MSH3: variants seen among roughly 807,000 people sequenced by gnomAD.
MSH3 encodes the protein mutS homolog 3.
MSH3 carries 106 observed loss-of-function variants against 123.3 expected under a neutral mutation model. The ratio of observed to expected loss-of-function variants is 0.86; its 90% CI spans 0.73 to 1.01. The LOEUF is 1.01. Ranked by LOEUF, MSH3 falls within the 50% of genes least tolerant of loss-of-function variation. The pLI, the probability that MSH3 is intolerant of heterozygous loss-of-function variation, is 0.00. For synonymous variants in MSH3, 515 were observed against 481.4 expected (o/e 1.07, Z -0.91); for missense variants, 1,459 against 1,347.6 (o/e 1.08, Z -1.29).
intron 2 of MSH3, among the ~76,000 whole-genome samples, chr5:80,663,604 A>G (rs1749494750): frequency 6.6e-6 from 1 of 151,964 alleles, no homozygotes. Context: ...ACACACTTAT[A>G]GTATATTTTT....
intron 8 of MSH3, among the ~76,000 whole-genome samples, chr5:80,688,130 G>A (rs1240384778): frequency 6.6e-6 from 1 of 152,180 alleles, no homozygotes; most frequent in Non-Finnish European, 1.5e-5. Flanking sequence ...ACTAGCCTTA[G>A]CTCATTGATA....
At chr5:80,765,975 A>AT (rs1744115733) in intron 13 of MSH3, among the ~76,000 whole-genome samples, 1 of 152,162 alleles carries the variant, frequency 6.6e-6, no homozygotes, top group East Asian at 1.9e-4. Context: ...TGACTTCATT[A>AT]TCTTTACTTC....
rs1746170967 is a variant in MSH3, at chr5:80,869,731, T to A, written c.3131-3385T>A. On this transcript the variant is annotated intron_variant, in intron 22 of 23. Transcript: ENST00000265081. ...GTAGCTATATTATACATTATATATA[T>A]AATTATATAAGAACATTGTTACAAC... 4.7e-5 allele frequency among the ~76,000 whole-genome samples: 7 copies of A among 149,122 alleles called. No homozygotes were observed. In the Admixed American group the frequency reaches 4.7e-4, roughly 10 times the overall value.
chr5:80,819,026 A>G, intron 20 of MSH3, among the ~76,000 whole-genome samples: 1 of 152,130 alleles, frequency 6.6e-6, no homozygotes, highest in East Asian at 1.9e-4. Context: ...CTTCCTAGAT[A>G]GTGCTTTGTG....
At position 80,794,287 on chromosome 5, in the gene MSH3, G is replaced by A. The variant is rs181924197; in HGVS notation, c.2655+1443G>A. Among the ~76,000 whole-genome samples the A allele has an allele frequency of 1.7e-3, 259 of 152,308 alleles. 1 individual carries two copies. The highest frequency in any genetic ancestry group is 6.1e-3 in the African/African-American group (253 of 41,566). ...TCCTGGCAGCACTGAGTTTTCTCAGGCAGATACTTTTAGTGGGGCTGGGGT... is the reference window on the plus strand; with the variant it reads ...TCCTGGCAGCACTGAGTTTTCTCAGACAGATACTTTTAGTGGGGCTGGGGT... On this transcript the variant is annotated intron_variant, in intron 19 of 23. Transcript: ENST00000265081.
intron 8 of MSH3, among the ~76,000 whole-genome samples, chr5:80,719,865 C>A (rs1323708237): frequency 1.3e-5 from 2 of 152,176 alleles, no homozygotes; most frequent in Non-Finnish European, 2.9e-5. Context: ...GTTGTTCTTA[C>A]ACCTTAGTGT....
rs146768828 is a variant in MSH3, at chr5:80,728,919, A to G, written c.1522A>G (p.Lys508Glu). Residue 508 changes from lysine to glutamate, a missense_variant, in exon 10 of 24, where the codon AAA (lysine) becomes GAA (glutamate). Transcript: ENST00000265081. Reference protein sequence around the residue: ...PVICSLAAIIKYLKEFNLEKM... With the variant: ...PVICSLAAIIEYLKEFNLEKM... Reference sequence around the variant, plus strand: ...GATTTGCTCTTTGGCTGCCATCATAAAATACCTCAAAGAATTCAACTTGGA... The same window carrying G: ...GATTTGCTCTTTGGCTGCCATCATAGAATACCTCAAAGAATTCAACTTGGA... 2.4e-4 allele frequency: 392 copies of G among 1,612,578 alleles called. 2 individuals are homozygous for G. The African/African-American group carries it at 4.4e-3, about 18-fold the overall frequency.
intron 22 of MSH3, among the ~76,000 whole-genome samples, chr5:80,871,097 C>A (rs1746205315): frequency 1.3e-5 from 2 of 152,034 alleles, no homozygotes; most frequent in Admixed American, 1.3e-4. Context: ...CAGGCTGGGT[C>A]CTCTAGGAGG....
intron 10 of MSH3, among the ~76,000 whole-genome samples, chr5:80,736,571 C>T (rs1743512636): frequency 6.6e-6 from 1 of 152,108 alleles, no homozygotes; most frequent in African/African-American, 2.4e-5. Context: ...CCTTGAATTT[C>T]GGGAGAGTTT....
At chr5:80,856,028 G>A (rs888716704) in intron 21 of MSH3, among the ~76,000 whole-genome samples, 2 of 151,946 alleles carry the variant, frequency 1.3e-5, no homozygotes, top group Non-Finnish European at 2.9e-5. Context: ...GGGACTACAG[G>A]CACACACCAA....
At chr5:80,695,694 A>G (rs902064501) in intron 8 of MSH3, among the ~76,000 whole-genome samples, 4 of 151,314 alleles carry the variant, frequency 2.6e-5, no homozygotes, top group Non-Finnish European at 5.9e-5. Context: ...TTGACTTTCT[A>G]TTTTTCCATT....
chr5:80,660,267 T>C (rs922427228), intron 2 of MSH3, among the ~76,000 whole-genome samples: 5 of 152,026 alleles, frequency 3.3e-5, no homozygotes, highest in Non-Finnish European at 4.4e-5. Context: ...AGGCACTTCT[T>C]ACATGGCGGT....
Position 80,828,355 on chromosome 5 carries a change from A to G in MSH3, c.2813+14614A>G, listed in dbSNP as rs368503967. Among the ~76,000 whole-genome samples, 8 of 152,274 alleles carry G rather than the reference A, an allele frequency of 5.3e-5. 1 individual carries two copies. The highest frequency in any genetic ancestry group is 1.9e-4 in the African/African-American group (8 of 41,550). On this transcript the variant is annotated intron_variant, in intron 20 of 23. Transcript: ENST00000265081. ...CATTAATCCCCAAATGGATTAATCC[A>G]TTCATAAGGGCAGAGCCCTGATGAC...
intron 19 of MSH3, among the ~76,000 whole-genome samples, chr5:80,807,285 T>A: frequency 6.6e-6 from 1 of 150,824 alleles, no homozygotes; most frequent in South Asian, 2.1e-4. Flanking sequence ...CTAATGGATA[T>A]AAACAAAGTT....
At chr5:80,704,268 C>A (rs1350420552) in intron 8 of MSH3, among the ~76,000 whole-genome samples, 1 of 152,148 alleles carries the variant, frequency 6.6e-6, no homozygotes, top group Non-Finnish European at 1.5e-5. Context: ...TGCTCAGTCA[C>A]CAAAGAATGA....
intron 3 of MSH3, among the ~76,000 whole-genome samples, chr5:80,669,761 T>G (rs1650651): frequency 0.28 from 42,206 of 152,036 alleles, 6,099 homozygotes; most frequent in Middle Eastern, 0.35. Context: ...TTACACACCT[T>G]AGAATAAATA....
intron 8 of MSH3, among the ~76,000 whole-genome samples, chr5:80,692,108 AT>A: frequency 1.4e-5 from 2 of 147,748 alleles, no homozygotes; most frequent in African/African-American, 4.9e-5. Context: ...ATAGATAAAC[AT>A]GTATATGTTT....
chr5:80,859,000 G>C (rs994808713), intron 21 of MSH3, among the ~76,000 whole-genome samples: 3 of 151,738 alleles, frequency 2.0e-5, no homozygotes, highest in African/African-American at 7.3e-5. Context: ...CTTTATCCCT[G>C]ACAAATTTAC....
chr5:80,834,247 C>T (rs1745470384), intron 20 of MSH3, among the ~76,000 whole-genome samples: 1 of 152,108 alleles, frequency 6.6e-6, no homozygotes, highest in South Asian at 2.1e-4. Context: ...AGAGCCGCCT[C>T]AGAATAACAG....
Sources: allele counts gnomAD v4.1 joint callset (sites outside exome capture counted in the v4.1 genomes callset), GRCh38; gene constraint gnomAD v4.1.1; transcripts MANE v1.5; gene names NCBI Gene and HGNC (gene_info 2026-07-23, HGNC 2026-07-21).